The following MEIS1 variants were observed in gnomAD, a reference collection of about 807,000 sequenced individuals.
MEIS1 encodes the protein Meis homeobox 1, also known as homeobox protein Meis1.
In MEIS1, 5 loss-of-function variants were observed where a neutral mutation model predicts 50.8. The ratio of observed to expected loss-of-function variants is 0.10; its 90% confidence interval spans 0.05 to 0.21. MEIS1 has a LOEUF of 0.21. MEIS1 is among the 10% of genes least tolerant of loss of function. The probability of loss-of-function intolerance (pLI) is 1.00; values close to 1 mark genes in which losing one functional copy is unlikely to be tolerated. For synonymous variants in MEIS1, 176 were observed against 179.3 expected (o/e 0.98, Z 0.15); for missense variants, 318 against 517.3 (o/e 0.61, Z 3.74).
chr2:66,545,171 A>G (rs1361152138), intron 8 of MEIS1, among the ~76,000 whole-genome samples: 6 of 152,100 alleles, frequency 3.9e-5, no homozygotes, highest in African/African-American at 1.4e-4. Flanking sequence ...AAGACAGGGC[A>G]AAAGGTTTTG....
chr2:66,500,286 C>T (rs1182959633), intron 7 of MEIS1, among the ~76,000 whole-genome samples: 1 of 152,166 alleles, frequency 6.6e-6, no homozygotes, highest in Admixed American at 6.5e-5. Context: ...CTTACCCCAC[C>T]TCCCAAACTG....
chr2:66,440,806 G>C (rs906779080), intron 4 of MEIS1, 194 bp downstream of exon 4: 9 of 579,354 alleles, frequency 1.6e-5, no homozygotes, highest in Non-Finnish European at 2.8e-5. Flanking sequence ...ATCTCGAGAG[G>C]GGCCGGGCGA....
At position 66,572,625 on chromosome 2, in the gene MEIS1, C is replaced by A. The variant is rs1388888016; in HGVS notation, c.*1417C>A. On this transcript the variant is annotated 3_prime_UTR_variant, in exon 13 of 13. Coordinates refer to ENST00000272369, the MANE Select transcript of MEIS1 (RefSeq NM_002398.3). Reference sequence around the variant, plus strand: ...AAACCAAGGAGCTAATTATTAATAACAATCATTGCACACTGAGTCTTAGCG... The same window carrying A: ...AAACCAAGGAGCTAATTATTAATAAAAATCATTGCACACTGAGTCTTAGCG... 1 of 152,098 alleles carries A rather than the reference C, an allele frequency of 6.6e-6. No individual in the cohort carries two copies. The highest frequency in any genetic ancestry group is 1.5e-5 in the Non-Finnish European group (1 of 68,020). The allele number at this position is 152,098 out of a possible 1,614,324, so 9.4% of individuals were successfully genotyped here.
chr2:66,494,405 C>T (rs552609087), intron 7 of MEIS1, among the ~76,000 whole-genome samples: 1 of 152,174 alleles, frequency 6.6e-6, no homozygotes, highest in Admixed American at 6.5e-5. Flanking sequence ...GCCTCCCCTT[C>T]CCACAAACCA....
chr2:66,495,208 A>G (rs1349497132), intron 7 of MEIS1, among the ~76,000 whole-genome samples: 1 of 149,098 alleles, frequency 6.7e-6, no homozygotes, highest in Non-Finnish European at 1.5e-5. Flanking sequence ...GTCACATTTC[A>G]TACTTTTAAA....
At chr2:66,516,750 G>A (rs1041311367) in intron 8 of MEIS1, among the ~76,000 whole-genome samples, 1 of 152,086 alleles carries the variant, frequency 6.6e-6, no homozygotes, top group Admixed American at 6.5e-5. Flanking sequence ...CTGCGGGTCC[G>A]CCACTCTAAG....
Position 66,557,706 on chromosome 2 carries a change from C to T in MEIS1, c.965+9687C>T, listed in dbSNP as rs114563290. Among the ~76,000 whole-genome samples, 336 of 152,262 alleles carry T rather than the reference C, an allele frequency of 2.2e-3. 2 individuals carry two copies. Among genetic ancestry groups the T allele is most frequent in the African/African-American group, 7.8e-3 (325 of 41,544 alleles). On this transcript the variant is annotated intron_variant, in intron 9 of 12. Coordinates refer to ENST00000272369, the MANE Select transcript of MEIS1 (RefSeq NM_002398.3). ...TATCAGTGGATGGGCATTTGATATT[C>T]ATCTCTTACCATTATAAGCGTTCAT...
intron 7 of MEIS1, among the ~76,000 whole-genome samples, chr2:66,493,175 G>A (rs558346949): frequency 1.3e-5 from 2 of 152,292 alleles, no homozygotes; most frequent in South Asian, 4.1e-4. Context: ...AGTTTTTAAG[G>A]CAGCTGTAAT....
chr2:66,451,257 A>G (rs1171388219), intron 6 of MEIS1, among the ~76,000 whole-genome samples: 1 of 152,078 alleles, frequency 6.6e-6, no homozygotes, highest in Admixed American at 6.6e-5. Context: ...CAGCAACTGT[A>G]TTCTTAACTG....
At chr2:66,503,573 G>A (rs967905739) in intron 7 of MEIS1, among the ~76,000 whole-genome samples, 1 of 152,054 alleles carries the variant, frequency 6.6e-6, no homozygotes, top group Admixed American at 6.5e-5. Context: ...TTTAACTTTA[G>A]TGCCTTCTAA....
At chr2:66,566,228 A>C (rs1369934329) in intron 9 of MEIS1, among the ~76,000 whole-genome samples, 3 of 152,328 alleles carry the variant, frequency 2.0e-5, no homozygotes, top group Admixed American at 6.5e-5. Flanking sequence ...ATAATGAAAG[A>C]ACACAAGGAT....
chr2:66,569,155 A>T lies in MEIS1; in HGVS notation c.*37+10A>T, dbSNP rs771656665. The stretch of plus-strand genomic sequence containing the variant: ...GCAAAGCAAGGGGGAAGTAAGTACA[A>T]ATGGGGTCTTTGTTTTCACTTTGTC... On this transcript the variant is annotated intron_variant, in intron 12 of 12. Transcript: ENST00000272369. 6.3e-7 allele frequency: 1 copy of T among 1,599,324 alleles called. No individual in the cohort carries two copies. The highest frequency in any genetic ancestry group is 8.5e-7 in the Non-Finnish European group (1 of 1,173,556).
intron 7 of MEIS1, among the ~76,000 whole-genome samples, chr2:66,469,535 A>C (rs773385144): frequency 3.3e-5 from 5 of 152,184 alleles, no homozygotes; most frequent in Non-Finnish European, 7.3e-5. Flanking sequence ...TTTTACATGA[A>C]GAAGAAAAGT....
intron 9 of MEIS1, among the ~76,000 whole-genome samples, chr2:66,557,282 G>A (rs1675090570): frequency 6.6e-6 from 1 of 152,148 alleles, no homozygotes; most frequent in Non-Finnish European, 1.5e-5. Flanking sequence ...GCTTTATTGA[G>A]ATATAATTCA....
intron 6 of MEIS1, among the ~76,000 whole-genome samples, chr2:66,462,142 A>G (rs953202041): frequency 2.6e-5 from 4 of 152,240 alleles, no homozygotes; most frequent in African/African-American, 4.8e-5. Flanking sequence ...CTGTATAACA[A>G]GGAATAATTC....
intron 6 of MEIS1, among the ~76,000 whole-genome samples, chr2:66,451,642 A>G (rs958889972): frequency 1.3e-5 from 2 of 152,100 alleles, no homozygotes; most frequent in East Asian, 3.8e-4. Flanking sequence ...ACTGTGACCT[A>G]TAGTGTTTTC....
chr2:66,447,951 T>C (rs1343407610), intron 6 of MEIS1, among the ~76,000 whole-genome samples: 1 of 152,194 alleles, frequency 6.6e-6, no homozygotes. Context: ...ACAGTAACTA[T>C]TGTTCAGTGA....
intron 8 of MEIS1, among the ~76,000 whole-genome samples, chr2:66,538,368 A>G (rs1224345030): frequency 6.6e-6 from 1 of 152,208 alleles, no homozygotes; most frequent in Non-Finnish European, 1.5e-5. Context: ...GTAAATACTT[A>G]AAGCTCTGAG....
intron 9 of MEIS1, among the ~76,000 whole-genome samples, chr2:66,564,870 C>G (rs1265821547): frequency 6.6e-6 from 1 of 151,262 alleles, no homozygotes; most frequent in Non-Finnish European, 1.5e-5. Context: ...TATCCCTTCC[C>G]CCTCCCCCTG....
Sources: gnomAD v4.1 joint callset for allele counts (sites outside exome capture counted in the v4.1 genomes callset) on GRCh38, gnomAD v4.1.1 for gene constraint, MANE v1.5 for transcripts, NCBI Gene and HGNC (gene_info 2026-07-23, HGNC 2026-07-21) for gene names.